Variants in NOL4L observed in about 807,000 individuals in gnomAD.
NOL4L encodes nucleolar protein 4-like.
A neutral mutation model predicts 64.5 loss-of-function variants in NOL4L; 7 were observed. The ratio of observed to expected loss-of-function variants is 0.11; its 90% confidence interval spans 0.06 to 0.20. The LOEUF (loss-of-function observed/expected upper bound fraction) is 0.20. Among genes scored for constraint, NOL4L ranks in the 10% least tolerant of loss-of-function variants. The pLI is 1.00. For missense variants in NOL4L, 680 were observed against 967.1 expected (o/e 0.70, Z 3.94); for synonymous variants, 413 against 401.0 (o/e 1.03, Z -0.36).
intron 4 of NOL4L, among the ~76,000 whole-genome samples, chr20:32,497,174 C>T (rs1419688346): frequency 6.6e-6 from 1 of 151,690 alleles, no homozygotes; most frequent in Admixed American, 6.6e-5. Flanking sequence ...GATCTCCAGA[C>T]ATCAGCTGCT....
chr20:32,573,779 C>A (rs934690202), intron 1 of NOL4L: 63 of 155,738 alleles, frequency 4.0e-4, no homozygotes, highest in African/African-American at 1.1e-3. Flanking sequence ...GCCTTTCACC[C>A]CTAGCCTGCT....
intron 10 of NOL4L, 26 bp downstream of exon 10, chr20:32,452,210 C>T (rs760290348): frequency 2.7e-6 from 4 of 1,494,544 alleles, no homozygotes; most frequent in Non-Finnish European, 3.6e-6. Context: ...GTCGGGAAGC[C>T]AGAGCCCAGG....
intron 2 of NOL4L, among the ~76,000 whole-genome samples, chr20:32,521,316 AT>A (rs2017925031): frequency 6.6e-6 from 1 of 152,198 alleles, no homozygotes; most frequent in African/African-American, 2.4e-5. Context: ...AGACCCACAG[AT>A]AAATTCACTG....
At chr20:32,486,524 G>C (rs961059237) in intron 4 of NOL4L, among the ~76,000 whole-genome samples, 5 of 152,182 alleles carry the variant, frequency 3.3e-5, no homozygotes, top group Non-Finnish European at 2.9e-5. Flanking sequence ...CTTCCCATAT[G>C]AAGTAAGCAT....
chr20:32,452,359 A>C lies in NOL4L; in HGVS notation c.1699T>G (p.Ser567Ala), dbSNP rs546242617. The change falls in exon 10 of 11, where the codon TCC (serine) becomes GCC (alanine). Residue 567 changes from serine (S) to alanine (A), a missense_variant. This residue lies in a region of NOL4L where 175 missense variants were observed against 227.0 expected (regional missense o/e 0.77). Transcript: ENST00000621426. The stretch of plus-strand genomic sequence containing the variant: ...TACACAGGGTCCTGGGAGTAGGAGG[A>C]GGCTGGCAGTGAGTAGGTGGAGTGG... Reference protein sequence around the residue: ...ITHSTYSLPASSYSQDPVYAN... With the variant: ...ITHSTYSLPAASYSQDPVYAN... 1.7e-5 allele frequency: 27 copies of C among 1,612,220 alleles called. No homozygotes were observed. In the East Asian group the frequency reaches 2.5e-4, roughly 15 times the overall value.
chr20:32,548,675 G>A (rs530296102), intron 1 of NOL4L: 1 of 308,278 alleles, frequency 3.2e-6, no homozygotes, highest in African/African-American at 2.2e-5. Flanking sequence ...GTCTGTGGAG[G>A]GCAGTCTGTA....
chr20:32,516,695 T>C (rs531801860), intron 3 of NOL4L, among the ~76,000 whole-genome samples: 1 of 152,150 alleles, frequency 6.6e-6, no homozygotes, highest in Non-Finnish European at 1.5e-5. Flanking sequence ...TATGCAACCT[T>C]CCCACAGTCC....
chr20:32,561,219 A>G (rs1200314225), intron 1 of NOL4L: 1 of 152,174 alleles, frequency 6.6e-6, no homozygotes, highest in Non-Finnish European at 1.5e-5. Context: ...GCCCCCTGTC[A>G]CCAGGGACCA....
chr20:32,511,553 C>CT, intron 3 of NOL4L, 97 bp from the exon 4 acceptor site: 1 of 799,704 alleles, frequency 1.3e-6, no homozygotes, highest in Admixed American at 2.3e-5. Flanking sequence ...AGGAAGCCAC[C>CT]TTGGAGGAGA....
At chr20:32,507,128 G>A (rs563252601) in intron 4 of NOL4L, among the ~76,000 whole-genome samples, 1 of 152,298 alleles carries the variant, frequency 6.6e-6, no homozygotes, top group East Asian at 1.9e-4. Context: ...ATTTCTACAA[G>A]GGGCCTGAAA....
chr20:32,550,471 C>T lies in NOL4L; in HGVS notation c.322-22558G>A, dbSNP rs6579024. 6.9e-3 allele frequency among the ~76,000 whole-genome samples: 1,055 copies of T among 152,322 alleles called. 11 individuals are homozygous for T. The highest frequency in any genetic ancestry group is 0.025 in the African/African-American group (1,020 of 41,562). On this transcript the variant is annotated intron_variant, in intron 1 of 10. Coordinates refer to ENST00000621426, the MANE Select transcript of NOL4L (RefSeq NM_001256798.2). The stretch of plus-strand genomic sequence containing the variant: ...CAATAATACAGTATTATAGGTCAGG[C>T]GTGGTGGCTCACGCCTATAATCTCA...
Position 32,445,869 on chromosome 20 carries a change from G to GCCCC in NOL4L, c.*1723_*1726dup, listed in dbSNP as rs533896753. ...GGCAGGATGGGGCATCCTCACTGGT[G>GCCCC]CCCCCCCCATCCCTCCTTGGGGGGA... is the stretch of plus-strand genomic sequence containing the variant. On this transcript the variant is annotated 3_prime_UTR_variant, in exon 11 of 11. Coordinates refer to ENST00000621426, the MANE Select transcript of NOL4L (RefSeq NM_001256798.2). 8 of 152,018 alleles carry GCCCC rather than the reference G, an allele frequency of 5.3e-5. No individual in the cohort carries two copies. Among genetic ancestry groups the GCCCC allele is most frequent in the African/African-American group, 1.7e-4 (7 of 41,464 alleles). The allele number at this position is 152,018 out of a possible 1,614,324, so 9.4% of individuals were successfully genotyped here.
At chr20:32,488,716 T>C (rs1036094960) in intron 4 of NOL4L, among the ~76,000 whole-genome samples, 1 of 152,074 alleles carries the variant, frequency 6.6e-6, no homozygotes, top group East Asian at 1.9e-4. Flanking sequence ...GCACTTGTAT[T>C]TCTTTTTCTT....
chr20:32,583,659 C>G (rs866451807), intron 1 of NOL4L, among the ~76,000 whole-genome samples: 457 of 148,400 alleles, frequency 3.1e-3, no homozygotes, highest in Non-Finnish European at 5.3e-3. Flanking sequence ...CCCCCCCCAG[C>G]CCCCACCCTC....
rs1333582138 is a variant in NOL4L, at chr20:32,584,681, G to A, written c.210C>T (p.Ala70=). The A allele has an allele frequency of 6.5e-7, 1 of 1,548,024 alleles. No homozygotes were observed. The highest frequency in any genetic ancestry group is 8.7e-7 in the Non-Finnish European group (1 of 1,145,736). The change falls in exon 1 of 11, where the codon GCC becomes GCT. Residue 70 remains alanine, a synonymous_variant. Transcript: ENST00000621426. ...GGTGAGSGPA[A]GEKGKFQFWV... ...AGAACTGGAACTTGCCTTTCTCGCC[G>A]GCTGCGGGGCCGCTGCCCGCGCCAG...
At position 32,485,058 on chromosome 20, in the gene NOL4L, C is replaced by CAAAAAAAAAAAAA. The variant is rs57444583; in HGVS notation, c.700-10329_700-10317dup. ...TCGTGGAATTCTGTGGGGAAATTGC[C>CAAAAAAAAAAAAA]AAAAAAAAAAAAAAAAAAAAAAAAA... On this transcript the variant is annotated intron_variant, in intron 4 of 10. Coordinates refer to ENST00000621426, the MANE Select transcript of NOL4L (RefSeq NM_001256798.2). Among the ~76,000 whole-genome samples, 84 of 17,794 alleles carry CAAAAAAAAAAAAA rather than the reference C, an allele frequency of 4.7e-3. 1 individual carries two copies. Among genetic ancestry groups the CAAAAAAAAAAAAA allele is most frequent in the East Asian group, 5.3e-3 (2 of 374 alleles). 11.7% of individuals were successfully genotyped at this position (17,794 alleles called of 152,430 possible). A position where few individuals can be genotyped will look rare whatever the true frequency, so the allele number is the denominator to read the frequency against.
chr20:32,550,651 G>A (rs917687796), intron 1 of NOL4L, among the ~76,000 whole-genome samples: 1 of 152,194 alleles, frequency 6.6e-6, no homozygotes, highest in Non-Finnish European at 1.5e-5. Context: ...GGAGGCTGAG[G>A]TGGGCAGATC....
chr20:32,538,960 G>A (rs1268524345), intron 1 of NOL4L, among the ~76,000 whole-genome samples: 1 of 148,218 alleles, frequency 6.7e-6, no homozygotes, highest in African/African-American at 2.5e-5. Flanking sequence ...CCAGGGAACA[G>A]CTTGAGAGCT....
At chr20:32,505,842 C>T (rs6119872) in intron 4 of NOL4L, among the ~76,000 whole-genome samples, 1,661 of 152,216 alleles carry the variant, frequency 0.011, 35 homozygotes, top group African/African-American at 0.037. Flanking sequence ...AAAGAGCCAA[C>T]TGCACAGAGA....
Sources: allele counts gnomAD v4.1 joint callset (sites outside exome capture counted in the v4.1 genomes callset), GRCh38; gene constraint gnomAD v4.1.1; regional missense constraint gnomAD v4.1.1; transcripts MANE v1.5; gene names NCBI Gene and HGNC (gene_info 2026-07-23, HGNC 2026-07-21).